CACNA1E: variants seen among roughly 807,000 people sequenced by gnomAD.
CACNA1E encodes the protein calcium voltage-gated channel subunit alpha1 E.
CACNA1E carries 40 observed loss-of-function variants against 259.2 expected under a neutral mutation model. That is an observed-to-expected ratio of 0.15 (90% CI 0.12 to 0.20). The LOEUF (loss-of-function observed/expected upper bound fraction) is 0.20. Among genes scored for constraint, CACNA1E ranks in the 10% least tolerant of loss-of-function variants. CACNA1E has a pLI of 1.00. For synonymous variants in CACNA1E, 1,104 were observed against 1,138.5 expected (o/e 0.97, Z 0.61); for missense variants, 1,874 against 3,040.1 (o/e 0.62, Z 9.02).
chr1:181,590,005 C>T (rs1230677962), intron 6 of CACNA1E, among the ~76,000 whole-genome samples: 1 of 152,114 alleles, frequency 6.6e-6, no homozygotes, highest in Admixed American at 6.6e-5. Context: ...TTCCCTTAAC[C>T]ATCCTCTCCT....
chr1:181,634,645 C>T (rs998304117), intron 6 of CACNA1E, among the ~76,000 whole-genome samples: 9 of 152,134 alleles, frequency 5.9e-5, no homozygotes, highest in Admixed American at 1.3e-4. Context: ...TGGCTTTATT[C>T]GGGAGGCCAA....
intron 37 of CACNA1E, among the ~76,000 whole-genome samples, chr1:181,775,218 T>C (rs1349951932): frequency 6.6e-6 from 1 of 152,148 alleles, no homozygotes; most frequent in African/African-American, 2.4e-5. Context: ...TAATGACTAG[T>C]TGAGGCCTGG....
chr1:181,770,351 G>A (rs1202570400), intron 35 of CACNA1E, among the ~76,000 whole-genome samples: 6 of 152,170 alleles, frequency 3.9e-5, no homozygotes, highest in Non-Finnish European at 8.8e-5. Flanking sequence ...TCTGAAGAGT[G>A]GAGGGGTTGA....
intron 3 of CACNA1E, among the ~76,000 whole-genome samples, chr1:181,548,418 G>T (rs757769595): frequency 1.3e-5 from 2 of 152,120 alleles, no homozygotes; most frequent in Non-Finnish European, 2.9e-5. Flanking sequence ...GAGCCACCGT[G>T]CCCAGCCTCC....
At chr1:181,741,541 G>T (rs541066528) in intron 25 of CACNA1E, among the ~76,000 whole-genome samples, 2 of 152,286 alleles carry the variant, frequency 1.3e-5, no homozygotes, top group African/African-American at 4.8e-5. Flanking sequence ...CCAAGACCTA[G>T]TTGTTTTATA....
At chr1:181,680,313 G>A (rs1172430184) in intron 7 of CACNA1E, among the ~76,000 whole-genome samples, 1 of 152,094 alleles carries the variant, frequency 6.6e-6, no homozygotes, top group African/African-American at 2.4e-5. Flanking sequence ...TCTTGTGACA[G>A]TGGCTAGGCA....
At chr1:181,386,039 C>T (rs1400848091) in intron 1 of CACNA1E, among the ~76,000 whole-genome samples, 2 of 152,168 alleles carry the variant, frequency 1.3e-5, no homozygotes, top group Non-Finnish European at 2.9e-5. Context: ...CAATCAACAA[C>T]ACAAGGAATT....
Position 181,753,463 on chromosome 1 carries a change from C to A in CACNA1E, c.3828+1224C>A, listed in dbSNP as rs574279244. ...CTCTAGGACTTAGAAGCTATATGAC[C>A]CAGGGCAAATTACTTATTCTTTGAC... On this transcript the variant is annotated intron_variant, in intron 27 of 47. Transcript: ENST00000367573. 2.6e-5 allele frequency among the ~76,000 whole-genome samples: 4 copies of A among 152,272 alleles called. No homozygotes were observed. In the East Asian group the frequency reaches 7.7e-4, roughly 29 times the overall value.
intron 1 of CACNA1E, among the ~76,000 whole-genome samples, chr1:181,321,452 T>G (rs1364087382): frequency 6.6e-6 from 1 of 152,230 alleles, no homozygotes; most frequent in African/African-American, 2.4e-5. Context: ...TATTGATGCC[T>G]GCTTCTCTCA....
intron 3 of CACNA1E, among the ~76,000 whole-genome samples, chr1:181,518,486 A>C (rs533313724): frequency 1.3e-3 from 203 of 152,320 alleles, no homozygotes; most frequent in Middle Eastern, 6.8e-3. Flanking sequence ...GGAAAAGATA[A>C]GGTTAGAATA....
intron 6 of CACNA1E, among the ~76,000 whole-genome samples, chr1:181,604,767 C>T (rs557299165): frequency 1.2e-4 from 18 of 152,122 alleles, no homozygotes; most frequent in Middle Eastern, 6.8e-3. Flanking sequence ...GAGGGAGGAG[C>T]GGGGGCCTCT....
chr1:181,578,852 A>G (rs1484705820), intron 4 of CACNA1E, among the ~76,000 whole-genome samples: 1 of 152,230 alleles, frequency 6.6e-6, no homozygotes, highest in Non-Finnish European at 1.5e-5. Context: ...TCTGAGATAG[A>G]GTGAATGGGA....
At chr1:181,497,559 A>G (rs1342687693) in intron 1 of CACNA1E, among the ~76,000 whole-genome samples, 1 of 152,204 alleles carries the variant, frequency 6.6e-6, no homozygotes, top group Admixed American at 6.5e-5. Context: ...CAGGCACTCT[A>G]CAGTGTGCTC....
chr1:181,387,104 G>T (rs1471217064), intron 1 of CACNA1E, among the ~76,000 whole-genome samples: 1 of 152,150 alleles, frequency 6.6e-6, no homozygotes, highest in Non-Finnish European at 1.5e-5. Flanking sequence ...GTACACAGGG[G>T]ATGTCTGTCC....
chr1:181,617,972 C>A (rs1307225387), intron 6 of CACNA1E, among the ~76,000 whole-genome samples: 1 of 152,064 alleles, frequency 6.6e-6, no homozygotes, highest in African/African-American at 2.4e-5. Context: ...CCTGTCAGTT[C>A]CTTTTATTTT....
chr1:181,459,122 G>C (rs187390004), intron 2 of CACNA1E, among the ~76,000 whole-genome samples: 151 of 152,350 alleles, frequency 9.9e-4, no homozygotes, highest in Middle Eastern at 3.4e-3. Flanking sequence ...GCTCTGCAAA[G>C]GTAGCATGTG....
At chr1:181,403,107 C>T (rs911095210) in intron 1 of CACNA1E, among the ~76,000 whole-genome samples, 2 of 152,096 alleles carry the variant, frequency 1.3e-5, no homozygotes, top group Non-Finnish European at 2.9e-5. Flanking sequence ...ATAAGAGGCT[C>T]TTCCGTTTAA....
rs183622095 is a variant in CACNA1E, at chr1:181,344,795, A to G, written c.-15+26672A>G. 3.3e-5 allele frequency among the ~76,000 whole-genome samples: 5 copies of G among 152,342 alleles called. No individual in the cohort carries two copies. In the East Asian group the frequency reaches 9.6e-4, roughly 29 times the overall value. On this transcript the variant is annotated intron_variant, in intron 1 of 11. Transcript: ENST00000524607. ...TAGCACTGAGGCCCCCGGGCTGGCC[A>G]TCGGCCTGGGAACCTGAAGTCTTTC... is the stretch of plus-strand genomic sequence containing the variant.
rs1662301663 is a variant in CACNA1E at position 181,801,905 on chromosome 1, A to T, written c.*3071A>T. 6.6e-6 allele frequency: 1 copy of T among 152,276 alleles called. No individual in the cohort carries two copies. Among genetic ancestry groups the T allele is most frequent in the South Asian group, 2.1e-4 (1 of 4,838 alleles). The allele number at this position is 152,276 out of a possible 1,614,324, so 9.4% of individuals were successfully genotyped here. Reference sequence around the variant, plus strand: ...ACAAGAGCAAAGCCAAGATAGAGGAAGGTAAAAGGAGGAGGAAAGGAAACC... The same window carrying T: ...ACAAGAGCAAAGCCAAGATAGAGGATGGTAAAAGGAGGAGGAAAGGAAACC... On this transcript the variant is annotated 3_prime_UTR_variant, in exon 48 of 48. Coordinates refer to ENST00000367573, the MANE Select transcript of CACNA1E (RefSeq NM_001205293.3).
Sources: allele counts gnomAD v4.1 joint callset (sites outside exome capture counted in the v4.1 genomes callset), GRCh38; gene constraint gnomAD v4.1.1; transcripts MANE v1.5; gene names NCBI Gene and HGNC (gene_info 2026-07-23, HGNC 2026-07-21).